Variants in NMT2 observed in about 807,000 individuals in gnomAD.
NMT2 encodes the protein glycylpeptide N-tetradecanoyltransferase 2.
A neutral mutation model predicts 65.4 loss-of-function variants in NMT2; 35 were observed. The observed-to-expected ratio is 0.54, with a 90% CI of 0.41 to 0.71. The LOEUF (loss-of-function observed/expected upper bound fraction) is 0.71. Ranked by LOEUF, NMT2 falls within the 30% of genes least tolerant of loss-of-function variation. The pLI is 0.00. For synonymous variants in NMT2, 226 were observed against 231.8 expected, an observed-to-expected ratio of 0.98 and a Z score of 0.23; for missense variants, 489 against 611.3, an observed-to-expected ratio of 0.80 and a Z score of 2.11.
rs1006692862 is a variant in NMT2 at position 15,106,113 on chromosome 10, C to G, written c.*3082G>C. On this transcript the variant is annotated 3_prime_UTR_variant, in exon 12 of 12. Coordinates refer to ENST00000378165, the MANE Select transcript of NMT2 (RefSeq NM_004808.3). The stretch of plus-strand genomic sequence containing the variant: ...GGTTCAAGCGATTCTCCTGCCTCAG[C>G]CTCCTGAATAGCTGGGATTACAGGT... 5 of 293,588 alleles carry G rather than the reference C, an allele frequency of 1.7e-5. No individual in the cohort carries two copies. Among genetic ancestry groups the G allele is most frequent in the Non-Finnish European group, 3.4e-5 (5 of 148,136 alleles). 18.2% of individuals were successfully genotyped at this position (293,588 alleles called of 1,614,324 possible). A position where few individuals can be genotyped will look rare whatever the true frequency, so the allele number is the denominator to read the frequency against.
chr10:15,112,333 A>G (rs1328562654), intron 10 of NMT2, among the ~76,000 whole-genome samples: 1 of 140,726 alleles, frequency 7.1e-6, no homozygotes, highest in Non-Finnish European at 1.5e-5. Context: ...GGTTCAAGCA[A>G]TTCTCCTGCC....
At chr10:15,136,574 C>G (rs575816401) in intron 2 of NMT2, among the ~76,000 whole-genome samples, 1 of 151,962 alleles carries the variant, frequency 6.6e-6, no homozygotes, top group South Asian at 2.1e-4. Flanking sequence ...AATCTCTAAC[C>G]ATGCCCCTTC....
At chr10:15,150,453 G>C (rs931159348) in intron 1 of NMT2, among the ~76,000 whole-genome samples, 2 of 152,210 alleles carry the variant, frequency 1.3e-5, no homozygotes, top group South Asian at 2.1e-4. Flanking sequence ...CACCCTTCTA[G>C]CTGTCATCAT....
intron 10 of NMT2, among the ~76,000 whole-genome samples, chr10:15,111,990 T>C (rs1354874145): frequency 6.7e-6 from 1 of 150,232 alleles, no homozygotes; most frequent in Non-Finnish European, 1.5e-5. Flanking sequence ...ATTTTTGTAT[T>C]TTTAGTAGAG....
intron 1 of NMT2, among the ~76,000 whole-genome samples, chr10:15,155,610 T>A (rs1832973631): frequency 7.3e-6 from 1 of 136,082 alleles, no homozygotes; most frequent in African/African-American, 2.8e-5. Context: ...CTCGAACTCC[T>A]GGGCTCAAGT....
At chr10:15,155,035 T>C (rs747710177) in intron 1 of NMT2, 6 of 1,226,878 alleles carry the variant, frequency 4.9e-6, no homozygotes, top group Non-Finnish European at 7.2e-6. Context: ...ATGGACAAGA[T>C]GCCAGGACCT....
chr10:15,156,113 G>A (rs1156842878), intron 1 of NMT2, among the ~76,000 whole-genome samples: 1 of 152,174 alleles, frequency 6.6e-6, no homozygotes, highest in African/African-American at 2.4e-5. Flanking sequence ...ATAAGGCGGT[G>A]ATGTGGTTTG....
chr10:15,153,786 A>G (rs948164547), intron 1 of NMT2, among the ~76,000 whole-genome samples: 1 of 151,730 alleles, frequency 6.6e-6, no homozygotes, highest in African/African-American at 2.4e-5. Flanking sequence ...AGTAGCTGGG[A>G]CTACAGGTGC....
At chr10:15,153,910 C>A (rs149609922) in intron 1 of NMT2, among the ~76,000 whole-genome samples, 3,302 of 152,268 alleles carry the variant, frequency 0.022, 130 homozygotes, top group African/African-American at 0.075. Context: ...GCCTCGCCCC[C>A]CAAAGTGCTG....
At chr10:15,144,770 G>A (rs1846904928) in intron 1 of NMT2, among the ~76,000 whole-genome samples, 1 of 152,022 alleles carries the variant, frequency 6.6e-6, no homozygotes, top group Non-Finnish European at 1.5e-5. Flanking sequence ...GGAGGATGGA[G>A]AGACGCTGGA....
chr10:15,168,664 G>C lies in NMT2; in HGVS notation c.-52C>G. ...TGCTCGGGGCCGGGCCGGAGCGGCC[G>C]CAGCTCCCTCTAGTGCCTCCCGCCG... On this transcript the variant is annotated 5_prime_UTR_variant, in exon 1 of 12. Coordinates refer to ENST00000378165, the MANE Select transcript of NMT2 (RefSeq NM_004808.3). The C allele has an allele frequency of 7.0e-7, 1 of 1,418,996 alleles. No homozygotes were observed. Among genetic ancestry groups the C allele is most frequent in the Non-Finnish European group, 9.6e-7 (1 of 1,045,372 alleles). The allele number at this position is 1,418,996 out of a possible 1,614,324, so 87.9% of individuals were successfully genotyped here.
intron 3 of NMT2, among the ~76,000 whole-genome samples, chr10:15,134,463 C>T (rs1846401401): frequency 6.6e-6 from 1 of 152,220 alleles, no homozygotes; most frequent in African/African-American, 2.4e-5. Context: ...ACGCATCACA[C>T]GTCACTTTCT....
intron 1 of NMT2, among the ~76,000 whole-genome samples, chr10:15,158,867 T>C (rs1475745123): frequency 6.6e-6 from 1 of 152,168 alleles, no homozygotes; most frequent in Non-Finnish European, 1.5e-5. Context: ...TCTATCTCTT[T>C]ATAAGCATAC....
chr10:15,143,229 T>C (rs529130877), intron 1 of NMT2, among the ~76,000 whole-genome samples: 2 of 152,288 alleles, frequency 1.3e-5, no homozygotes, highest in South Asian at 4.1e-4. Flanking sequence ...TTATTGAACA[T>C]TTACTATGTG....
In NMT2 at chr10:15,154,070, T is replaced by C. The variant is rs139249617; in HGVS notation, c.111-12513A>G. On this transcript the variant is annotated intron_variant, in intron 1 of 11. Coordinates refer to ENST00000378165, the MANE Select transcript of NMT2 (RefSeq NM_004808.3). The stretch of plus-strand genomic sequence containing the variant: ...TTTCGTGAAAAGGTCTCTGCATCCC[T>C]CAGTGGGGAATTTGTGCCCTAAAAT... 7.7e-3 allele frequency among the ~76,000 whole-genome samples: 1,167 copies of C among 152,302 alleles called. 16 individuals carry two copies. The highest frequency in any genetic ancestry group is 0.027 in the African/African-American group (1,102 of 41,570).
rs550878444 is a variant in NMT2, at chr10:15,148,531, G to C, written c.111-6974C>G. ...TGTCTCAAATAAATAAATAGTATTA[G>C]AAAAAATGTGAGGATAAAATGAATT... On this transcript the variant is annotated intron_variant, in intron 1 of 11. Transcript: ENST00000378165. Among the ~76,000 whole-genome samples the C allele has an allele frequency of 4.4e-4, 67 of 152,112 alleles. No individual in the cohort carries two copies. The South Asian group carries it at 0.014, about 31-fold the overall frequency.
At chr10:15,154,409 T>G (rs1313917946) in intron 1 of NMT2, among the ~76,000 whole-genome samples, 2 of 152,188 alleles carry the variant, frequency 1.3e-5, no homozygotes, top group Non-Finnish European at 2.9e-5. Flanking sequence ...GACATTCAGT[T>G]CCTTTCAAAT....
chr10:15,138,856 T>A (rs1846617756), intron 2 of NMT2, among the ~76,000 whole-genome samples: 1 of 152,162 alleles, frequency 6.6e-6, no homozygotes, highest in African/African-American at 2.4e-5. Context: ...AGAAAAGAAA[T>A]TCCCTACTGT....
chr10:15,127,413 G>C (rs2131527205), intron 8 of NMT2, among the ~76,000 whole-genome samples: 1 of 150,158 alleles, frequency 6.7e-6, no homozygotes, highest in Non-Finnish European at 1.5e-5. Flanking sequence ...CGGGCATGCT[G>C]GCGGGCGCCT....
Sources: allele counts gnomAD v4.1 joint callset (sites outside exome capture counted in the v4.1 genomes callset), GRCh38; gene constraint gnomAD v4.1.1; transcripts MANE v1.5; gene names NCBI Gene and HGNC (gene_info 2026-07-23, HGNC 2026-07-21).